The following ARID3B variants were observed in gnomAD, a reference collection of about 807,000 sequenced individuals.
The protein encoded by ARID3B is AT-rich interaction domain 3B.
ARID3B carries 10 observed loss-of-function variants against 51.9 expected under a neutral mutation model. That is an observed-to-expected ratio of 0.19 (90% CI 0.12 to 0.33). ARID3B has a LOEUF of 0.33. ARID3B is among the 10% of genes least tolerant of loss of function. ARID3B has a pLI of 1.00. For missense variants in ARID3B, 483 were observed against 716.3 expected (o/e 0.67, Z 3.72); for synonymous variants, 205 against 279.5 (o/e 0.73, Z 2.66).
intron 2 of ARID3B, among the ~76,000 whole-genome samples, chr15:74,564,995 A>G (rs1356408080): frequency 6.6e-6 from 1 of 152,078 alleles, no homozygotes. Flanking sequence ...TATTTGATTT[A>G]TAGAGAATAG....
At chr15:74,547,137 T>C (rs1306389895) in intron 2 of ARID3B, among the ~76,000 whole-genome samples, 1 of 151,910 alleles carries the variant, frequency 6.6e-6, no homozygotes, top group African/African-American at 2.4e-5. Context: ...ACCTTTACAA[T>C]TGACACAGAT....
Position 74,591,457 on chromosome 15 carries a change from A to G in ARID3B, c.1165+23A>G. The G allele has an allele frequency of 6.3e-7, 1 of 1,595,880 alleles. No individual in the cohort carries two copies. Among genetic ancestry groups the G allele is most frequent in the East Asian group, 2.2e-5 (1 of 44,470 alleles). ...AAGGTCAGCAGGGCTCCTGGGGGAG[A>G]AGGAAGAAAGGGAGGAAGGGATGCC... On this transcript the variant is annotated intron_variant, in intron 6 of 8. Coordinates refer to ENST00000346246, the MANE Select transcript of ARID3B (RefSeq NM_006465.4). This position sits in a 1 kb window ranked among gnomAD's most constrained non-coding sequence, Gnocchi z 5.8.
chr15:74,567,803 C>T (rs2061704953), intron 2 of ARID3B, among the ~76,000 whole-genome samples: 1 of 152,216 alleles, frequency 6.6e-6, no homozygotes, highest in African/African-American at 2.4e-5. Context: ...CCTAGTTTCT[C>T]TTCACTCACT....
chr15:74,559,624 T>C (rs1224117342), intron 2 of ARID3B, among the ~76,000 whole-genome samples: 1 of 152,198 alleles, frequency 6.6e-6, no homozygotes, highest in Non-Finnish European at 1.5e-5. Context: ...CCAGGTGGTC[T>C]GACTTCTAGC....
intron 4 of ARID3B, chr15:74,573,814 T>G (rs1485953474): frequency 6.5e-6 from 1 of 153,070 alleles, no homozygotes; most frequent in Non-Finnish European, 1.5e-5. Flanking sequence ...TGATCTCAGC[T>G]CACTGCAACC....
intron 4 of ARID3B, among the ~76,000 whole-genome samples, chr15:74,584,898 T>C (rs1596263004): frequency 6.6e-6 from 1 of 152,162 alleles, no homozygotes; most frequent in South Asian, 2.1e-4. Flanking sequence ...CATAAAAGCC[T>C]TTTACATCCG....
chr15:74,577,723 C>T (rs1028716350), intron 4 of ARID3B, among the ~76,000 whole-genome samples: 2 of 151,838 alleles, frequency 1.3e-5, no homozygotes, highest in African/African-American at 4.8e-5. Flanking sequence ...TGTGTGGAGA[C>T]GAGGCCCTTA....
At chr15:74,594,586 C>A (rs886880300) in intron 8 of ARID3B, among the ~76,000 whole-genome samples, 2 of 152,256 alleles carry the variant, frequency 1.3e-5, no homozygotes, top group Non-Finnish European at 2.9e-5. Flanking sequence ...AGGCGAAAGC[C>A]CTACAACTGC....
intron 2 of ARID3B, among the ~76,000 whole-genome samples, chr15:74,565,322 G>A (rs1279051033): frequency 2.0e-5 from 3 of 152,118 alleles, no homozygotes; most frequent in Non-Finnish European, 4.4e-5. Flanking sequence ...AAAGTGCTGG[G>A]ATTACAGGTG....
intron 2 of ARID3B, among the ~76,000 whole-genome samples, chr15:74,565,966 G>A (rs910787474): frequency 2.6e-5 from 4 of 152,124 alleles, no homozygotes; most frequent in Non-Finnish European, 5.9e-5. Context: ...AAGGCTTCCT[G>A]CTTGATCCCC....
chr15:74,555,982 CG>C (rs2061656115), intron 2 of ARID3B, among the ~76,000 whole-genome samples: 1 of 151,404 alleles, frequency 6.6e-6, no homozygotes, highest in South Asian at 2.1e-4. Flanking sequence ...TTAGTAGAGA[CG>C]GGGTTTCACC....
chr15:74,559,778 G>A (rs1188808473), intron 2 of ARID3B, among the ~76,000 whole-genome samples: 2 of 151,978 alleles, frequency 1.3e-5, no homozygotes, highest in Non-Finnish European at 2.9e-5. Flanking sequence ...CATGGAAAAT[G>A]TAAAAATTTG....
chr15:74,561,213 T>C (rs939085744), intron 2 of ARID3B, among the ~76,000 whole-genome samples: 1 of 152,210 alleles, frequency 6.6e-6, no homozygotes, highest in African/African-American at 2.4e-5. Flanking sequence ...TTCCCTAAGA[T>C]TACAAAAAAT....
chr15:74,591,568 G>T lies in ARID3B; in HGVS notation c.1174G>T (p.Ala392Ser). The T allele has an allele frequency of 6.2e-7, 1 of 1,611,078 alleles. No homozygotes were observed. Among genetic ancestry groups the T allele is most frequent in the East Asian group, 2.2e-5 (1 of 44,736 alleles). Residue 392 changes from alanine (A) to serine (S), a missense_variant, in exon 7 of 9, where the codon GCC becomes TCC. By Grantham distance (99) the Ala-to-Ser change is moderately conservative. Coordinates refer to ENST00000346246, the MANE Select transcript of ARID3B (RefSeq NM_006465.4). This position sits in a 1 kb window ranked among gnomAD's most constrained non-coding sequence, Gnocchi z 5.8. ...PATTLRKGDG[A>S]PVTTVPVPNR... ...CTCCAGTTCCTTTGCAGGTGATGGA[G>T]CCCCAGTGACAACAGTGCCTGTGCC... is the stretch of plus-strand genomic sequence containing the variant.
intron 2 of ARID3B, among the ~76,000 whole-genome samples, chr15:74,551,425 T>C (rs1405750847): frequency 1.3e-5 from 2 of 152,202 alleles, no homozygotes; most frequent in African/African-American, 2.4e-5. Flanking sequence ...GCTTTATAGA[T>C]ACTAAGTCCT....
intron 8 of ARID3B, 121 bp from the exon 9 acceptor site, chr15:74,595,490 A>C: frequency 8.8e-7 from 1 of 1,135,440 alleles, no homozygotes. Context: ...ATCACCCCCT[A>C]GCACAGTGTC....
chr15:74,548,544 C>A (rs1331152394), intron 2 of ARID3B, among the ~76,000 whole-genome samples: 1 of 152,190 alleles, frequency 6.6e-6, no homozygotes, highest in Non-Finnish European at 1.5e-5. Context: ...CCCCTTCTAG[C>A]ATGTTTTACA....
intron 8 of ARID3B, among the ~76,000 whole-genome samples, chr15:74,593,531 C>T (rs1304817179): frequency 6.6e-6 from 1 of 152,234 alleles, no homozygotes; most frequent in East Asian, 1.9e-4. Context: ...CAGGTCTTCT[C>T]ATGCACAGCC....
At chr15:74,553,892 C>T (rs1268871215) in intron 2 of ARID3B, among the ~76,000 whole-genome samples, 6 of 151,886 alleles carry the variant, frequency 4.0e-5, no homozygotes, top group Non-Finnish European at 8.8e-5. Flanking sequence ...GGCACAATCT[C>T]GGCGCACTGC....
Sources: gnomAD v4.1 joint callset for allele counts (sites outside exome capture counted in the v4.1 genomes callset) on GRCh38, gnomAD v4.1.1 for gene constraint, Gnocchi (gnomAD v3.1) non-coding constraint, MANE v1.5 for transcripts, NCBI Gene and HGNC (gene_info 2026-07-23, HGNC 2026-07-21) for gene names.